KCNH7: variants seen among roughly 807,000 people sequenced by gnomAD.
KCNH7 encodes the protein potassium voltage-gated channel subfamily H member 7.
Under a neutral mutation model 120.8 loss-of-function variants are expected in KCNH7, and 49 were observed. The ratio of observed to expected loss-of-function variants is 0.41; its 90% CI spans 0.32 to 0.51. The LOEUF (loss-of-function observed/expected upper bound fraction) is 0.51. KCNH7 is among the 20% of genes least tolerant of loss of function. The pLI is 0.38. For synonymous variants in KCNH7, 547 were observed against 516.1 expected (o/e 1.06, Z -0.81); for missense variants, 1,097 against 1,446.6 (o/e 0.76, Z 3.92).
chr2:162,646,555 G>C (rs560135277), intron 2 of KCNH7, among the ~76,000 whole-genome samples: 1 of 152,298 alleles, frequency 6.6e-6, no homozygotes, highest in South Asian at 2.1e-4. Context: ...TATTCAATGA[G>C]CTTATTCTAT....
chr2:162,728,362 T>A (rs1037864245), intron 2 of KCNH7, among the ~76,000 whole-genome samples: 5 of 152,230 alleles, frequency 3.3e-5, no homozygotes, highest in African/African-American at 1.2e-4. Context: ...TGGTGTTTTT[T>A]ATATTTTCTT....
intron 2 of KCNH7, among the ~76,000 whole-genome samples, chr2:162,613,740 A>G (rs1683048695): frequency 6.6e-6 from 1 of 152,022 alleles, no homozygotes; most frequent in African/African-American, 2.4e-5. Flanking sequence ...GGATGGTATA[A>G]AACAATAATA....
At chr2:162,661,201 C>T (rs964659503) in intron 2 of KCNH7, among the ~76,000 whole-genome samples, 2 of 152,138 alleles carry the variant, frequency 1.3e-5, no homozygotes, top group Non-Finnish European at 2.9e-5. Flanking sequence ...TAGAGAAGTG[C>T]TCTGTCAATG....
At chr2:162,654,386 A>G (rs1034975632) in intron 2 of KCNH7, among the ~76,000 whole-genome samples, 1 of 152,094 alleles carries the variant, frequency 6.6e-6, no homozygotes. Context: ...GCCAACAGGT[A>G]TATGAAAAAA....
chr2:162,737,923 C>T (rs1349476000), intron 2 of KCNH7, among the ~76,000 whole-genome samples: 2 of 151,686 alleles, frequency 1.3e-5, no homozygotes, highest in Admixed American at 6.6e-5. Context: ...AAATTAGCCA[C>T]GTATGGTGGC....
At chr2:162,816,531 C>T (rs1684923891) in intron 2 of KCNH7, among the ~76,000 whole-genome samples, 2 of 152,034 alleles carry the variant, frequency 1.3e-5, no homozygotes, top group African/African-American at 2.4e-5. Context: ...AAAAATAATG[C>T]CCCTAATCAA....
intron 6 of KCNH7, among the ~76,000 whole-genome samples, chr2:162,473,624 T>C (rs1005703175): frequency 5.9e-5 from 9 of 152,186 alleles, no homozygotes; most frequent in Non-Finnish European, 1.2e-4. Flanking sequence ...CTGCCCACAT[T>C]CATTAAGGAC....
At chr2:162,444,552 T>A (rs78539724) in intron 7 of KCNH7, among the ~76,000 whole-genome samples, 3 of 152,176 alleles carry the variant, frequency 2.0e-5, no homozygotes, top group Admixed American at 1.3e-4. Flanking sequence ...ATGTCCAGAA[T>A]TTTTAGTGCA....
At chr2:162,570,489 G>T (rs889884010) in intron 2 of KCNH7, among the ~76,000 whole-genome samples, 5 of 152,058 alleles carry the variant, frequency 3.3e-5, no homozygotes, top group African/African-American at 9.6e-5. Context: ...TATCCAATTT[G>T]CCAGTCTGTG....
At chr2:162,816,306 C>T (rs1361820046) in intron 2 of KCNH7, among the ~76,000 whole-genome samples, 1 of 149,802 alleles carries the variant, frequency 6.7e-6, no homozygotes, top group East Asian at 2.0e-4. Flanking sequence ...AAGAAATCTG[C>T]CTTACATTCC....
intron 2 of KCNH7, among the ~76,000 whole-genome samples, chr2:162,772,920 G>A (rs991445577): frequency 9.9e-5 from 15 of 152,058 alleles, no homozygotes; most frequent in Admixed American, 6.6e-4. Flanking sequence ...CACTTTTTCC[G>A]TAAAAAGGAA....
chr2:162,643,245 T>C (rs1684228425), intron 2 of KCNH7, among the ~76,000 whole-genome samples: 1 of 151,954 alleles, frequency 6.6e-6, no homozygotes, highest in South Asian at 2.1e-4. Flanking sequence ...CAGCCCCAGG[T>C]GATGACCATT....
intron 2 of KCNH7, among the ~76,000 whole-genome samples, chr2:162,652,046 T>C (rs1436410843): frequency 6.6e-6 from 1 of 152,198 alleles, no homozygotes; most frequent in Non-Finnish European, 1.5e-5. Context: ...TTTTAAAGTT[T>C]TATTCTTCTG....
chr2:162,696,908 G>A lies in KCNH7; in HGVS notation c.307+139629C>T, dbSNP rs569172114. Among the ~76,000 whole-genome samples, 252 of 151,720 alleles carry A rather than the reference G, an allele frequency of 1.7e-3. 1 individual carries two copies. The highest frequency in any genetic ancestry group is 6.0e-3 in the African/African-American group (249 of 41,476). ...ATAATTATACTTTAAAACTCTAACTGGTCTTTGGATGATGACAGGAAATCA... is the reference window on the plus strand; with the variant it reads ...ATAATTATACTTTAAAACTCTAACTAGTCTTTGGATGATGACAGGAAATCA... On this transcript the variant is annotated intron_variant, in intron 2 of 15. Transcript: ENST00000332142.
intron 2 of KCNH7, among the ~76,000 whole-genome samples, chr2:162,725,971 C>T (rs1687500284): frequency 6.6e-6 from 1 of 152,130 alleles, no homozygotes. Context: ...AACAAATGCA[C>T]AGTCACGATT....
chr2:162,801,184 A>T (rs928287186), intron 2 of KCNH7, among the ~76,000 whole-genome samples: 1 of 151,790 alleles, frequency 6.6e-6, no homozygotes, highest in Admixed American at 6.6e-5. Flanking sequence ...GATAAAGTAA[A>T]ATAATGCTAT....
chr2:162,622,320 G>A (rs1033387691), intron 2 of KCNH7, among the ~76,000 whole-genome samples: 7 of 152,152 alleles, frequency 4.6e-5, no homozygotes, highest in Non-Finnish European at 7.4e-5. Context: ...AGCAGTGAGG[G>A]AAAAGGAAAA....
intron 2 of KCNH7, among the ~76,000 whole-genome samples, chr2:162,584,322 TTC>T (rs1312362118): frequency 6.6e-6 from 1 of 152,128 alleles, no homozygotes; most frequent in Non-Finnish European, 1.5e-5. Context: ...TTTATTTTTA[TTC>T]GCAGTTTCAA....
In KCNH7 at chr2:162,587,648, T is replaced by G. The variant is rs563627247; in HGVS notation, c.308-50568A>C. On this transcript the variant is annotated intron_variant, in intron 2 of 15. Coordinates refer to ENST00000332142, the MANE Select transcript of KCNH7 (RefSeq NM_033272.4). ...TGTTTTATGAGTCTATTTTGGTTTA[T>G]ATAGTTTCCTTTTCCCATTTTTTTC... 1.3e-4 allele frequency among the ~76,000 whole-genome samples: 20 copies of G among 152,246 alleles called. No homozygotes were observed. The South Asian group carries it at 3.9e-3, about 30-fold the overall frequency.
Sources: allele counts gnomAD v4.1 joint callset (sites outside exome capture counted in the v4.1 genomes callset), GRCh38; gene constraint gnomAD v4.1.1; transcripts MANE v1.5; gene names NCBI Gene and HGNC (gene_info 2026-07-23, HGNC 2026-07-21).